The following SERPINH1 variants were observed in gnomAD, a reference collection of about 807,000 sequenced individuals.
SERPINH1 encodes the protein serpin family H member 1.
A neutral mutation model predicts 32.3 loss-of-function variants in SERPINH1; 22 were observed. The observed-to-expected ratio is 0.68, with a 90% confidence interval of 0.49 to 0.97. SERPINH1 has a LOEUF of 0.97. Among genes scored for constraint, SERPINH1 ranks in the 50% least tolerant of loss-of-function variants. SERPINH1 has a pLI of 0.00. For synonymous variants in SERPINH1, 251 were observed against 245.9 expected (o/e 1.02, Z -0.19); for missense variants, 543 against 576.4 (o/e 0.94, Z 0.59).
chr11:75,565,121 CAG>C (rs898949497), intron 1 of SERPINH1, among the ~76,000 whole-genome samples: 3 of 152,198 alleles, frequency 2.0e-5, no homozygotes, highest in African/African-American at 7.2e-5. Flanking sequence ...ATCCCAGGAA[CAG>C]AGACTGTCCA....
rs1565241318 is a variant in SERPINH1, at chr11:75,566,493, C to G, written c.144C>G (p.Ala48=). The G allele has an allele frequency of 6.2e-7, 1 of 1,612,286 alleles. No homozygotes were observed. Among genetic ancestry groups the G allele is most frequent in the Non-Finnish European group, 8.5e-7 (1 of 1,179,806 alleles). ...PKAATLAERS[A]GLAFSLYQAM... The stretch of plus-strand genomic sequence containing the variant: ...CGGCCACGCTTGCCGAGCGCAGCGC[C>G]GGCCTGGCCTTCAGCTTGTACCAGG... The change falls in exon 2 of 5, where the codon GCC becomes GCG. Residue 48 remains alanine, a synonymous_variant. Transcript: ENST00000358171.
Position 75,571,864 on chromosome 11 carries a change from G to A in SERPINH1, c.1038G>A (p.Leu346=), listed in dbSNP as rs764427500. The change falls in exon 5 of 5, where the codon CTG becomes CTA. Residue 346 remains leucine (L), a synonymous_variant. Coordinates refer to ENST00000358171, the MANE Select transcript of SERPINH1 (RefSeq NM_001235.5). ...CACGCATGTCAGGCAAGAAGGACCT[G>A]TACCTGGCCAGCGTGTTCCACGCCA... is the stretch of plus-strand genomic sequence containing the variant. ...DLSRMSGKKD[L]YLASVFHATA... 1.2e-6 allele frequency: 2 copies of A among 1,614,226 alleles called. No individual in the cohort carries two copies. Among genetic ancestry groups the A allele is most frequent in the Non-Finnish European group, 1.7e-6 (2 of 1,180,038 alleles).
At position 75,572,017 on chromosome 11, in the gene SERPINH1, C is replaced by T. The variant is rs371506866; in HGVS notation, c.1191C>T (p.Ser397=). The change falls in exon 5 of 5, where the codon AGC becomes AGT. Residue 397 remains serine, a synonymous_variant. Transcript: ENST00000358171. ...TCTTCCTAGTGCGGGACACCCAAAG[C>T]GGCTCCCTGCTATTCATTGGGCGCC... ...PFIFLVRDTQ[S]GSLLFIGRLV... is the part of the protein sequence containing the mutation. The T allele has an allele frequency of 2.5e-5, 40 of 1,614,064 alleles. 1 individual carries two copies. The Middle Eastern group carries it at 1.5e-3, about 60-fold the overall frequency.
At position 75,566,579 on chromosome 11, in the gene SERPINH1, C is replaced by T. The variant is rs1942080830; in HGVS notation, c.230C>T (p.Ser77Leu). 5 of 1,609,550 alleles carry T rather than the reference C, an allele frequency of 3.1e-6. No individual in the cohort carries two copies. The East Asian group carries it at 8.9e-5, about 29-fold the overall frequency. The change falls in exon 2 of 5, where the codon TCG becomes TTG. Residue 77 changes from serine to leucine, a missense_variant. Around this residue, in one of 3 missense-constraint regions of SERPINH1, gnomAD observed 109 missense variants for 102.4 expected, o/e 1.06. Transcript: ENST00000358171. ...ILVSPVVVAS[S>L]LGLVSLGGKA... ...GTGTCACCCGTGGTGGTGGCCTCGT[C>T]GCTAGGGCTCGTGTCGCTGGGCGGC...
intron 4 of SERPINH1, 89 bp downstream of exon 4, chr11:75,569,260 C>A: frequency 1.1e-6 from 1 of 920,498 alleles, no homozygotes. Context: ...GCAGGTCTGT[C>A]CCAAGACCCC....
chr11:75,571,813 C>T lies in SERPINH1; in HGVS notation c.987C>T (p.Ala329=). The T allele has an allele frequency of 6.2e-7, 1 of 1,614,062 alleles. No individual in the cohort carries two copies. Among genetic ancestry groups the T allele is most frequent in the South Asian group, 1.1e-5 (1 of 91,088 alleles). Residue 329 remains alanine, a synonymous_variant, in exon 5 of 5, where the codon GCC becomes GCT. Transcript: ENST00000358171. ...TGGCTGGGCTGGGCCTGACTGAGGC[C>T]ATTGACAAGAACAAGGCCGACTTGT... is the stretch of plus-strand genomic sequence containing the variant. The part of the protein sequence containing the change: ...KHLAGLGLTE[A]IDKNKADLSR...
At chr11:75,565,737 G>A (rs1418798231) in intron 1 of SERPINH1, among the ~76,000 whole-genome samples, 1 of 152,234 alleles carries the variant, frequency 6.6e-6, no homozygotes, top group Non-Finnish European at 1.5e-5. Context: ...TGAAAGGCAT[G>A]GGGGCGGGGC....
At chr11:75,568,279 C>T (rs1177307986) in intron 2 of SERPINH1, 3 of 265,572 alleles carry the variant, frequency 1.1e-5, no homozygotes, top group East Asian at 1.7e-4. Flanking sequence ...TGGAGTGGGA[C>T]GGACCTTGTC....
At chr11:75,563,249 C>G (rs1030344572) in intron 1 of SERPINH1, 4 of 152,316 alleles carry the variant, frequency 2.6e-5, no homozygotes, top group Admixed American at 2.6e-4. Context: ...CTCAGCCCCT[C>G]CTCTTCCTTG....
At position 75,566,930 on chromosome 11, in the gene SERPINH1, G is replaced by T; in HGVS notation, c.581G>T (p.Arg194Leu). 3.1e-6 allele frequency: 5 copies of T among 1,604,556 alleles called. No individual in the cohort carries two copies. The highest frequency in any genetic ancestry group is 4.2e-6 in the Non-Finnish European group (5 of 1,179,542). Residue 194 changes from arginine (R) to leucine (L), a missense_variant, in exon 2 of 5, where the codon CGC (arginine) becomes CTC (leucine). Arg to Leu is a moderately radical substitution (Grantham distance 102, BLOSUM62 -2). Coordinates refer to ENST00000358171, the MANE Select transcript of SERPINH1 (RefSeq NM_001235.5). ...KLPEVTKDVE[R>L]TDGALLVNAM... The stretch of plus-strand genomic sequence containing the variant: ...CCCGAGGTCACCAAGGACGTGGAGC[G>T]CACGGACGGCGCCCTGCTAGTCAAC...
chr11:75,568,401 G>T (rs1019914273), intron 2 of SERPINH1: 9 of 415,878 alleles, frequency 2.2e-5, no homozygotes, highest in African/African-American at 1.8e-4. Context: ...CTCAGAGCAT[G>T]TTTCCAAAAT....
rs376437954 is a variant in SERPINH1, at chr11:75,569,051, C to G, written c.834C>G (p.Leu278=). The G allele has an allele frequency of 1.2e-6, 2 of 1,614,192 alleles. No homozygotes were observed. The highest frequency in any genetic ancestry group is 1.7e-6 in the Non-Finnish European group (2 of 1,180,000). ...TCATGCCCCATCACGTGGAGCCTCTCGAGCGCCTTGAAAAGCTGCTAACCA... is the reference window on the plus strand; with the variant it reads ...TCATGCCCCATCACGTGGAGCCTCTGGAGCGCCTTGAAAAGCTGCTAACCA... The part of the protein sequence containing the change: ...IILMPHHVEP[L]ERLEKLLTKE... Residue 278 remains leucine, a synonymous_variant, in exon 4 of 5, where the codon CTC becomes CTG. Coordinates refer to ENST00000358171, the MANE Select transcript of SERPINH1 (RefSeq NM_001235.5).
At chr11:75,568,511 G>A (rs1043564069) in intron 2 of SERPINH1, 2 of 619,174 alleles carry the variant, frequency 3.2e-6, no homozygotes, top group Non-Finnish European at 5.9e-6. Context: ...TGACTGTAGG[G>A]AACCGCATCC....
chr11:75,570,350 G>A (rs147144556), intron 4 of SERPINH1, among the ~76,000 whole-genome samples: 3 of 152,240 alleles, frequency 2.0e-5, no homozygotes, highest in African/African-American at 7.2e-5. Flanking sequence ...GGTCTGTGCT[G>A]TAGACCCTGG....
chr11:75,568,940 C>A lies in SERPINH1; in HGVS notation c.723C>A (p.Gly241=), dbSNP rs1483419467. The A allele has an allele frequency of 6.2e-7, 1 of 1,613,734 alleles. No homozygotes were observed. The highest frequency in any genetic ancestry group is 1.7e-5 in the Admixed American group (1 of 60,018). Residue 241 remains glycine (G), a splice_region_variant and synonymous_variant, in exon 4 of 5, where the codon GGC becomes GGA. Coordinates refer to ENST00000358171, the MANE Select transcript of SERPINH1 (RefSeq NM_001235.5). Reference sequence around the variant, plus strand: ...GTGTCCTTTCCGCTCCTCTCCCAGGCCTCTACAACTACTACGACGACGAGA... The same window carrying A: ...GTGTCCTTTCCGCTCCTCTCCCAGGACTCTACAACTACTACGACGACGAGA... ...TVGVMMMHRT[G]LYNYYDDEKE...
Position 75,566,843 on chromosome 11 carries a change from ACAAGCG to A in SERPINH1, c.497_502del (p.Lys166_Arg167del). 3.1e-6 allele frequency: 5 copies of A among 1,612,514 alleles called. No individual in the cohort carries two copies. The highest frequency in any genetic ancestry group is 3.4e-6 in the Non-Finnish European group (4 of 1,179,970). On this transcript the variant is annotated inframe_deletion, in exon 2 of 5. Transcript: ENST00000358171. ...GAGCACTCCAAGATCAACTTCCGCGACAAGCGCAGCGCGCTGCAGTCCATCAACGAG... is the reference window on the plus strand; with the variant it reads ...GAGCACTCCAAGATCAACTTCCGCGACAGCGCGCTGCAGTCCATCAACGAG...
intron 2 of SERPINH1, chr11:75,567,789 T>A (rs1306636760): frequency 6.6e-6 from 1 of 152,182 alleles, no homozygotes; most frequent in Non-Finnish European, 1.5e-5. Flanking sequence ...TTTGAGTACC[T>A]CCATAGACAA....
rs200106884 is a variant in SERPINH1 at position 75,569,108 on chromosome 11, G to A, written c.891G>A (p.Met297Ile). ...KEQLKIWMGK[M>I]QKKAVAISLP... Reference sequence around the variant, plus strand: ...AGCTGAAGATCTGGATGGGGAAGATGCAGAAGAAGGCTGTTGCCATCTCCT... The same window carrying A: ...AGCTGAAGATCTGGATGGGGAAGATACAGAAGAAGGCTGTTGCCATCTCCT... Residue 297 changes from methionine to isoleucine, a missense_variant, in exon 4 of 5, where the codon ATG becomes ATA. Physicochemically the swap from Met to Ile is conservative, Grantham distance 10. Around this residue, in one of 3 missense-constraint regions of SERPINH1, gnomAD observed 427 missense variants for 446.4 expected, o/e 0.96. Coordinates refer to ENST00000358171, the MANE Select transcript of SERPINH1 (RefSeq NM_001235.5). The A allele has an allele frequency of 1.5e-5, 25 of 1,614,160 alleles. No homozygotes were observed. Among genetic ancestry groups the A allele is most frequent in the Non-Finnish European group, 2.0e-5 (24 of 1,179,984 alleles).
Position 75,572,326 on chromosome 11 carries a change from G to A in SERPINH1, c.*243G>A, listed in dbSNP as rs1010723094. ...GAAACTCCACATCCTGTGGGACCTG[G>A]GCCATAGTCATTCTGCCTGCCCTGA... On this transcript the variant is annotated 3_prime_UTR_variant, in exon 5 of 5. Transcript: ENST00000358171. The A allele has an allele frequency of 8.6e-6, 5 of 580,620 alleles. No homozygotes were observed. The South Asian group carries it at 9.8e-5, about 11-fold the overall frequency. 36.0% of individuals were successfully genotyped at this position (580,620 alleles called of 1,614,324 possible).
Sources: allele counts gnomAD v4.1 joint callset (sites outside exome capture counted in the v4.1 genomes callset), GRCh38; gene constraint gnomAD v4.1.1; regional missense constraint gnomAD v4.1.1; transcripts MANE v1.5; gene names NCBI Gene and HGNC (gene_info 2026-07-23, HGNC 2026-07-21).